The following KCNIP1 variants were observed in gnomAD, a reference collection of about 807,000 sequenced individuals.
KCNIP1 encodes A-type potassium channel modulatory protein KCNIP1.
A neutral mutation model predicts 33.0 loss-of-function variants in KCNIP1; 18 were observed. The ratio of observed to expected loss-of-function variants is 0.55; its 90% CI spans 0.38 to 0.81. The LOEUF (loss-of-function observed/expected upper bound fraction) is 0.81. Ranked by LOEUF, KCNIP1 falls within the 30% of genes least tolerant of loss-of-function variation. The probability of loss-of-function intolerance (pLI) is 0.00; values close to 1 mark genes in which losing one functional copy is unlikely to be tolerated. For synonymous variants in KCNIP1, 93 were observed against 98.3 expected, an observed-to-expected ratio of 0.95 and a Z score of 0.32; for missense variants, 238 against 271.6, an observed-to-expected ratio of 0.88 and a Z score of 0.87.
intron 1 of KCNIP1, among the ~76,000 whole-genome samples, chr5:170,653,587 G>A (rs1292532076): frequency 6.6e-6 from 1 of 152,120 alleles, no homozygotes; most frequent in East Asian, 1.9e-4. Context: ...CCAAAAAGAG[G>A]GACTTCTCAG....
At chr5:170,526,714 A>C (rs1215595079) in intron 1 of KCNIP1, among the ~76,000 whole-genome samples, 2 of 130,186 alleles carry the variant, frequency 1.5e-5, no homozygotes, top group African/African-American at 6.3e-5. Flanking sequence ...CTTTTATCTG[A>C]TTAGCTTTTT....
intron 1 of KCNIP1, among the ~76,000 whole-genome samples, chr5:170,384,780 T>C (rs1764397899): frequency 6.6e-6 from 1 of 152,204 alleles, no homozygotes; most frequent in African/African-American, 2.4e-5. Context: ...CATGGACCAT[T>C]CTCTGAGATT....
intron 1 of KCNIP1, among the ~76,000 whole-genome samples, chr5:170,670,631 G>A (rs1192733827): frequency 2.6e-5 from 4 of 152,282 alleles, no homozygotes; most frequent in East Asian, 1.9e-4. Context: ...AGTGGCTCAC[G>A]CCTGTAATCC....
At chr5:170,545,348 G>A (rs1756373833) in intron 1 of KCNIP1, among the ~76,000 whole-genome samples, 1 of 152,176 alleles carries the variant, frequency 6.6e-6, no homozygotes, top group Non-Finnish European at 1.5e-5. Context: ...GTGTAGTTAT[G>A]ATTTTCTTTG....
chr5:170,453,476 A>C (rs1756303633), intron 1 of KCNIP1, among the ~76,000 whole-genome samples: 1 of 152,208 alleles, frequency 6.6e-6, no homozygotes, highest in Non-Finnish European at 1.5e-5. Flanking sequence ...TCCTTTTTAG[A>C]AAATCTGAAA....
At position 170,479,001 on chromosome 5, in the gene KCNIP1, G is replaced by A. The variant is rs568553953; in HGVS notation, c.88+125037G>A. Among the ~76,000 whole-genome samples, 3 of 152,232 alleles carry A rather than the reference G, an allele frequency of 2.0e-5. No homozygotes were observed. In the South Asian group the frequency reaches 6.2e-4, roughly 32 times the overall value. ...TAGACTTTGAAAAGGGGGATTGCAC[G>A]TTATCTGTCAAGAAGGCATCAAAGC... is the stretch of plus-strand genomic sequence containing the variant. On this transcript the variant is annotated intron_variant, in intron 1 of 7. Transcript: ENST00000377360.
intron 1 of KCNIP1, among the ~76,000 whole-genome samples, chr5:170,390,744 G>A (rs1237735035): frequency 6.6e-6 from 1 of 151,636 alleles, no homozygotes; most frequent in African/African-American, 2.4e-5. Flanking sequence ...GCACAGCTTG[G>A]TCTGTCTCTG....
intron 1 of KCNIP1, among the ~76,000 whole-genome samples, chr5:170,542,401 G>A (rs1756246587): frequency 6.6e-6 from 1 of 152,114 alleles, no homozygotes; most frequent in African/African-American, 2.4e-5. Context: ...CCATAGAGTT[G>A]CTACAAAGAT....
At chr5:170,712,894 A>T (rs1281381178) in intron 1 of KCNIP1, 1 of 1,611,976 alleles carries the variant, frequency 6.2e-7, no homozygotes, top group African/African-American at 1.3e-5. Flanking sequence ...GAGGTAAAAA[A>T]CAGTTTAAAC....
chr5:170,386,336 G>T (rs78838035), intron 1 of KCNIP1, among the ~76,000 whole-genome samples: 2 of 152,118 alleles, frequency 1.3e-5, no homozygotes, highest in Non-Finnish European at 2.9e-5. Context: ...AGAAGCTGGC[G>T]GGGGCAAGGA....
At chr5:170,589,772 G>GATGTGGT (rs1554102980) in intron 1 of KCNIP1, among the ~76,000 whole-genome samples, 2,670 of 145,930 alleles carry the variant, frequency 0.018, 97 homozygotes, top group African/African-American at 0.065. Flanking sequence ...GGTGTGGTGT[G>GATGTGGT]GTGTGGTGTG....
chr5:170,380,858 G>A (rs1764210895), intron 1 of KCNIP1, among the ~76,000 whole-genome samples: 1 of 152,118 alleles, frequency 6.6e-6, no homozygotes, highest in African/African-American at 2.4e-5. Flanking sequence ...AACCTCACTG[G>A]GCCTTGTAAA....
intron 1 of KCNIP1, among the ~76,000 whole-genome samples, chr5:170,593,781 C>T (rs567557717): frequency 3.3e-3 from 498 of 152,206 alleles, no homozygotes; most frequent in African/African-American, 0.011. Flanking sequence ...TGGAGGGAGC[C>T]GGAGGGGTTG....
intron 1 of KCNIP1, among the ~76,000 whole-genome samples, chr5:170,471,314 A>G (rs1756721099): frequency 6.6e-6 from 1 of 152,172 alleles, no homozygotes; most frequent in South Asian, 2.1e-4. Context: ...AAACCCAAAT[A>G]AGAGAGTTGC....
chr5:170,489,784 G>A lies in KCNIP1; in HGVS notation c.88+135820G>A, dbSNP rs1757170990. Among the ~76,000 whole-genome samples, 1 of 152,170 alleles carries A rather than the reference G, an allele frequency of 6.6e-6. No individual in the cohort carries two copies. Among genetic ancestry groups the A allele is most frequent in the African/African-American group, 2.4e-5 (1 of 41,434 alleles). On this transcript the variant is annotated intron_variant, in intron 1 of 7. Transcript: ENST00000377360. This position sits in a 1 kb window ranked among gnomAD's most constrained non-coding sequence, Gnocchi z 4.3. Reference sequence around the variant, plus strand: ...AATGAAGCCTGAGGCTAAAACCTATGCCCTATTTCCAGCCTCATGAAGTAA... The same window carrying A: ...AATGAAGCCTGAGGCTAAAACCTATACCCTATTTCCAGCCTCATGAAGTAA...
intron 1 of KCNIP1, among the ~76,000 whole-genome samples, chr5:170,632,066 G>A (rs753834009): frequency 2.6e-5 from 4 of 152,170 alleles, no homozygotes; most frequent in Admixed American, 6.5e-5. Flanking sequence ...AGTCCTCGCC[G>A]GCCACAGAGG....
chr5:170,599,649 G>T (rs12521642), intron 1 of KCNIP1, among the ~76,000 whole-genome samples: 2 of 45,960 alleles, frequency 4.4e-5, no homozygotes, highest in South Asian at 6.5e-4. Flanking sequence ...GGGGAAGAGC[G>T]AGAAGTTCCC....
intron 1 of KCNIP1, among the ~76,000 whole-genome samples, chr5:170,565,052 C>G (rs1476888003): frequency 6.6e-6 from 1 of 152,104 alleles, no homozygotes; most frequent in East Asian, 1.9e-4. Context: ...GACCAGAGCT[C>G]TGTGTGTGAA....
chr5:170,458,271 A>G (rs1366655621), intron 1 of KCNIP1, among the ~76,000 whole-genome samples: 1 of 152,232 alleles, frequency 6.6e-6, no homozygotes, highest in Non-Finnish European at 1.5e-5. Flanking sequence ...TGGAAAACAT[A>G]TTCGGGGGAA....
Sources: gnomAD v4.1 joint callset for allele counts (sites outside exome capture counted in the v4.1 genomes callset) on GRCh38, gnomAD v4.1.1 for gene constraint, Gnocchi (gnomAD v3.1) non-coding constraint, MANE v1.5 for transcripts, NCBI Gene and HGNC (gene_info 2026-07-23, HGNC 2026-07-21) for gene names.